RADX: variants seen among roughly 807,000 people sequenced by gnomAD.
RADX encodes the protein RPA-related protein RADX.
In RADX, 36 loss-of-function variants were observed where a neutral mutation model predicts 61.6. The ratio of observed to expected loss-of-function variants is 0.58; its 90% CI spans 0.45 to 0.77. The LOEUF is 0.77. RADX is among the 30% of genes least tolerant of loss of function. The pLI is 0.00. For synonymous variants in RADX, 272 were observed against 237.9 expected (o/e 1.14, Z -1.32); for missense variants, 497 against 651.1 (o/e 0.76, Z 2.58).
intron 3 of RADX, among the ~76,000 whole-genome samples, chrX:106,628,926 C>T (rs1927139606): frequency 2.7e-5 from 3 of 111,599 alleles, no homozygotes; most frequent in African/African-American, 9.8e-5. Context: ...TGAGCCGCCG[C>T]GCCTAGCCAA....
At chrX:106,668,620 C>T (rs1250245674) in intron 12 of RADX, among the ~76,000 whole-genome samples, 4 of 112,054 alleles carry the variant, frequency 3.6e-5, no homozygotes, top group Non-Finnish European at 7.5e-5. Flanking sequence ...GGTCAGGATT[C>T]ACTTTAGTTC....
rs142533840 is a variant in RADX, at chrX:106,612,485, A to G, written c.405A>G (p.Ser135=). ...TTCAAATGAGAATTTCCAGGGTCTC[A>G]TGTCTTTACAATGAGAAAAGGATAG... ...VGIQMRISRV[S]CLYNEKRIGQ... is the part of the protein sequence containing the mutation. Residue 135 remains serine (S), a synonymous_variant, in exon 1 of 14, where the codon TCA becomes TCG. Coordinates refer to ENST00000372548, the MANE Select transcript of RADX (RefSeq NM_018015.6). 10 of 1,209,627 alleles carry G rather than the reference A, an allele frequency of 8.3e-6. No homozygotes were observed. In the African/African-American group the frequency reaches 1.7e-4, roughly 21 times the overall value.
At chrX:106,671,835 G>A (rs1219134843) in intron 13 of RADX, among the ~76,000 whole-genome samples, 1 of 110,186 alleles carries the variant, frequency 9.1e-6, no homozygotes, top group Non-Finnish European at 1.9e-5. Context: ...CCTTTCATTT[G>A]TCTCTATTTT....
chrX:106,664,448 T>C (rs949433663), intron 12 of RADX, among the ~76,000 whole-genome samples: 4 of 111,568 alleles, frequency 3.6e-5, no homozygotes, highest in African/African-American at 9.8e-5. Flanking sequence ...GAATTAACTG[T>C]ATGAAACTTC....
intron 3 of RADX, among the ~76,000 whole-genome samples, chrX:106,628,924 C>T (rs769347337): frequency 1.8e-5 from 2 of 111,710 alleles, no homozygotes; most frequent in South Asian, 7.5e-4. Context: ...CGTGAGCCGC[C>T]GCGCCTAGCC....
At chrX:106,627,801 A>G (rs1927107182) in intron 3 of RADX, among the ~76,000 whole-genome samples, 1 of 112,079 alleles carries the variant, frequency 8.9e-6, no homozygotes, top group Non-Finnish European at 1.9e-5. Flanking sequence ...GAAACAGAGT[A>G]GAAAGGTGAC....
chrX:106,660,174 ACT>A (rs1928053601), intron 11 of RADX, among the ~76,000 whole-genome samples: 1 of 109,895 alleles, frequency 9.1e-6, no homozygotes, highest in African/African-American at 3.3e-5. Flanking sequence ...AGTCCTACTA[ACT>A]CTTTTTCTCA....
At chrX:106,661,105 A>C (rs1006437050) in intron 11 of RADX, among the ~76,000 whole-genome samples, 1 of 111,448 alleles carries the variant, frequency 9.0e-6, no homozygotes, top group Non-Finnish European at 1.9e-5. Flanking sequence ...TCTCTCCCTC[A>C]ACACCTGGGG....
intron 12 of RADX, among the ~76,000 whole-genome samples, chrX:106,666,079 G>A (rs1022317212): frequency 3.6e-5 from 4 of 111,826 alleles, no homozygotes; most frequent in Admixed American, 9.5e-5. Flanking sequence ...ATGAAGTAAC[G>A]AACTAGATTT....
chrX:106,624,509 C>A (rs1225061900), intron 2 of RADX, among the ~76,000 whole-genome samples: 2 of 111,547 alleles, frequency 1.8e-5, no homozygotes, highest in Admixed American at 1.9e-4. Flanking sequence ...TCAGTTTACT[C>A]ATCTGTAAAA....
At position 106,678,296 on chromosome X, in the gene RADX, T is replaced by C; in HGVS notation, c.*38T>C. The C allele has an allele frequency of 1.0e-6, 1 of 987,030 alleles. No homozygotes were observed. 81.3% of individuals were successfully genotyped at this position (987,030 alleles called of 1,213,427 possible). A position where few individuals can be genotyped will look rare whatever the true frequency, so the allele number is the denominator to read the frequency against. Reference sequence around the variant, plus strand: ...GAAATTATTACAGATTATACGAGTGTACTGCTTTAAAGATATTCCATCATT... The same window carrying C: ...GAAATTATTACAGATTATACGAGTGCACTGCTTTAAAGATATTCCATCATT... On this transcript the variant is annotated 3_prime_UTR_variant, in exon 14 of 14. Transcript: ENST00000372548.
At chrX:106,636,424 C>T in intron 6 of RADX, 119 bp from the exon 7 acceptor site, 1 of 465,640 alleles carries the variant, frequency 2.1e-6, no homozygotes, top group Non-Finnish European at 3.8e-6. Context: ...TGCATTTTAA[C>T]ATTGGTACCA....
intron 11 of RADX, among the ~76,000 whole-genome samples, chrX:106,660,972 G>A (rs1928075407): frequency 9.0e-6 from 1 of 111,345 alleles, no homozygotes; most frequent in African/African-American, 3.3e-5. Context: ...AGGCAAGAGA[G>A]ACAATGTGTG....
intron 8 of RADX, 200 bp downstream of exon 8, chrX:106,638,124 G>C (rs1316668540): frequency 5.4e-6 from 2 of 367,625 alleles, no homozygotes; most frequent in African/African-American, 5.2e-5. Flanking sequence ...CCTATATCTC[G>C]CATGGTGCTC....
chrX:106,651,141 A>T, intron 11 of RADX, among the ~76,000 whole-genome samples: 1 of 111,506 alleles, frequency 9.0e-6, no homozygotes, highest in Non-Finnish European at 1.9e-5. Context: ...ATCTAGACAT[A>T]TGATATGTGA....
At chrX:106,674,158 TTG>T (rs370950825) in intron 13 of RADX, among the ~76,000 whole-genome samples, 5 of 109,120 alleles carry the variant, frequency 4.6e-5, no homozygotes, top group Non-Finnish European at 7.7e-5. Context: ...TGAAGGTGTT[TTG>T]TGTGTGTGTG....
chrX:106,645,233 G>T (rs1370368456), intron 10 of RADX, among the ~76,000 whole-genome samples: 1 of 109,283 alleles, frequency 9.2e-6, no homozygotes, highest in Non-Finnish European at 1.9e-5. Flanking sequence ...TTGATCTTTT[G>T]TATTGATTTT....
rs750776013 is a variant in RADX, at chrX:106,669,334, A to G, written c.2437+4A>G. The G allele has an allele frequency of 2.6e-6, 3 of 1,168,598 alleles. No homozygotes were observed. The Admixed American group carries it at 7.4e-5, about 29-fold the overall frequency. ...CCAGGTCCAAGAGCGGTTGCAGGTA[A>G]AACAATCTCAGTGTTCTTTTCACTC... On this transcript the variant is annotated splice_donor_region_variant and intron_variant, in intron 13 of 13. Transcript: ENST00000372548.
Position 106,662,284 on chromosome X carries a change from C to T in RADX, c.2248C>T (p.His750Tyr). Residue 750 changes from histidine (H) to tyrosine (Y), a missense_variant, in exon 12 of 14, where the codon CAT becomes TAT. Around this residue, in one of 3 missense-constraint regions of RADX, gnomAD observed 267 missense variants for 306.9 expected, o/e 0.87. Coordinates refer to ENST00000372548, the MANE Select transcript of RADX (RefSeq NM_018015.6). ...TTTTAAGAGCGCCCGAAGCCTTGGA[C>T]ATTTTGAAGTAACCATACTAGGTAA... Reference protein sequence around the residue: ...DDFKSARSLGHFEVTILGLNH... With the variant: ...DDFKSARSLGYFEVTILGLNH... The T allele has an allele frequency of 8.3e-7, 1 of 1,206,113 alleles. No homozygotes were observed. The highest frequency in any genetic ancestry group is 1.1e-6 in the Non-Finnish European group (1 of 892,007).
Sources: gnomAD v4.1 joint callset for allele counts (sites outside exome capture counted in the v4.1 genomes callset) on GRCh38, gnomAD v4.1.1 for gene constraint, gnomAD v4.1.1 regional missense constraint, MANE v1.5 for transcripts, NCBI Gene and HGNC (gene_info 2026-07-23, HGNC 2026-07-21) for gene names.